The following USP26 variants were observed in gnomAD, a reference collection of about 807,000 sequenced individuals.
USP26 encodes ubiquitin specific peptidase 26.
For synonymous variants in USP26, 236 were observed against 240.6 expected, an observed-to-expected ratio of 0.98 and a Z score of 0.18; for missense variants, 649 against 642.3, an observed-to-expected ratio of 1.01 and a Z score of -0.11.
intron 5 of USP26, among the ~76,000 whole-genome samples, chrX:133,049,005 G>A (rs1007170870): frequency 8.9e-6 from 1 of 112,107 alleles, no homozygotes; most frequent in Non-Finnish European, 1.9e-5. Context: ...ATGAGAGCAG[G>A]TTGATCAATA....
In USP26 at chrX:133,027,414, T is replaced by C. The variant is rs1039893600; in HGVS notation, c.807A>G (p.Gln269=). Residue 269 remains glutamine (Q), a synonymous_variant, in exon 6 of 6, where the codon CAA becomes CAG. Coordinates refer to ENST00000511190, the MANE Select transcript of USP26 (RefSeq NM_031907.3). Reference sequence around the variant, plus strand: ...TTGTGTAACCGTCACTATACCCTTGTTGTAACAGAAATACCAAAACCATTT... The same window carrying C: ...TTGTGTAACCGTCACTATACCCTTGCTGTAACAGAAATACCAAAACCATTT... ...TEKMVLVFLL[Q]QGYSDGYTKW... The C allele has an allele frequency of 2.5e-6, 3 of 1,209,863 alleles. No homozygotes were observed. The African/African-American group carries it at 5.2e-5, about 21-fold the overall frequency.
chrX:133,072,551 T>C lies in USP26; in HGVS notation c.-77+11156A>G, dbSNP rs913765434. On this transcript the variant is annotated intron_variant, in intron 5 of 5. Transcript: ENST00000511190. ...AAAAATTTACTACATTTTAAAGTGA[T>C]AGCACTGTGCATTTGAACATAACAC... Among the ~76,000 whole-genome samples the C allele has an allele frequency of 8.0e-5, 9 of 112,655 alleles. No individual in the cohort carries two copies. In the East Asian group the frequency reaches 2.2e-3, roughly 28 times the overall value.
Position 133,025,881 on chromosome X carries a change from T to C in USP26, c.2340A>G (p.Leu780=). ...GTAGGGAATTCCTGTTAGACTTCTG[T>C]AGATTTAATTTTGTAGGTCTTAGGA... is the stretch of plus-strand genomic sequence containing the variant. The part of the protein sequence containing the change: ...KNLLRPTKLN[L]QKSNRNSLLA... The change falls in exon 6 of 6, where the codon CTA becomes CTG. Residue 780 remains leucine, a synonymous_variant. Transcript: ENST00000511190. The C allele has an allele frequency of 2.5e-6, 3 of 1,211,304 alleles. No homozygotes were observed. Among genetic ancestry groups the C allele is most frequent in the Non-Finnish European group, 3.4e-6 (3 of 895,305 alleles).
chrX:133,096,103 G>A (rs1343034330), intron 1 of USP26, among the ~76,000 whole-genome samples: 1 of 73,982 alleles, frequency 1.4e-5, no homozygotes, highest in Non-Finnish European at 2.3e-5. Context: ...TCCCTCTGCT[G>A]TTCAGGCTGG....
intron 5 of USP26, among the ~76,000 whole-genome samples, chrX:133,046,659 CAG>C (rs1356494147): frequency 8.1e-5 from 9 of 110,497 alleles, no homozygotes; most frequent in Non-Finnish European, 1.7e-4. Flanking sequence ...GAGAGAGAAA[CAG>C]AGAGACCCAA....
In USP26 at chrX:133,097,011, A is replaced by C. The variant is rs1383280121; in HGVS notation, c.-393+19T>G. On this transcript the variant is annotated intron_variant, in intron 1 of 5. Transcript: ENST00000511190. ...TAACTCTCAATAACTATTACAAATG[A>C]AAAGCAAATTGATCTTACAATAGTT... 1 of 113,179 alleles carries C rather than the reference A, an allele frequency of 8.8e-6. No individual in the cohort carries two copies. Among genetic ancestry groups the C allele is most frequent in the Non-Finnish European group, 1.9e-5 (1 of 53,454 alleles). 9.3% of individuals were successfully genotyped at this position (113,179 alleles called of 1,213,427 possible).
chrX:133,084,745 T>A (rs975077135), intron 4 of USP26, among the ~76,000 whole-genome samples: 1 of 111,066 alleles, frequency 9.0e-6, no homozygotes, highest in Admixed American at 9.6e-5. Flanking sequence ...TTATTTTTAA[T>A]TTTTTTATTT....
chrX:133,076,856 T>C (rs1030348056), intron 5 of USP26, among the ~76,000 whole-genome samples: 5 of 112,146 alleles, frequency 4.5e-5, no homozygotes, highest in African/African-American at 9.7e-5. Context: ...TAGGAGACCC[T>C]GTGCTACAAG....
At chrX:133,068,711 T>C (rs1174667248) in intron 5 of USP26, among the ~76,000 whole-genome samples, 1 of 112,567 alleles carries the variant, frequency 8.9e-6, no homozygotes, top group Non-Finnish European at 1.9e-5. Context: ...GATGAGTCCA[T>C]TATCTGGAGA....
intron 5 of USP26, among the ~76,000 whole-genome samples, chrX:133,044,557 A>T (rs1309136106): frequency 8.8e-6 from 1 of 113,159 alleles, no homozygotes; most frequent in African/African-American, 3.2e-5. Context: ...GTCCCCCAGC[A>T]GTGCCGGCCC....
intron 5 of USP26, among the ~76,000 whole-genome samples, chrX:133,034,860 C>CA (rs11432441): frequency 0.031 from 3,013 of 98,175 alleles, 62 homozygotes; most frequent in East Asian, 0.1. Flanking sequence ...ATGTCTCTTA[C>CA]AAAAAAAAAA....
At chrX:133,067,403 C>A (rs967987111) in intron 5 of USP26, among the ~76,000 whole-genome samples, 2 of 112,636 alleles carry the variant, frequency 1.8e-5, no homozygotes, top group Admixed American at 1.9e-4. Context: ...ATAAATCATT[C>A]TACTATAAAG....
At chrX:133,071,473 CA>C (rs1173496003) in intron 5 of USP26, among the ~76,000 whole-genome samples, 2 of 109,876 alleles carry the variant, frequency 1.8e-5, no homozygotes, top group East Asian at 5.7e-4. Context: ...TATCTCCTCC[CA>C]CCTCTTACAG....
chrX:133,096,518 C>T (rs1475489273), intron 1 of USP26, among the ~76,000 whole-genome samples: 2 of 111,809 alleles, frequency 1.8e-5, no homozygotes, highest in African/African-American at 6.5e-5. Flanking sequence ...CAAACAACAT[C>T]GCAGCAGCTA....
intron 5 of USP26, among the ~76,000 whole-genome samples, chrX:133,076,146 C>T (rs756239583): frequency 9.0e-6 from 1 of 111,217 alleles, no homozygotes; most frequent in Non-Finnish European, 1.9e-5. Flanking sequence ...TTGGTTCATA[C>T]GAAATTTTCA....
intron 5 of USP26, among the ~76,000 whole-genome samples, chrX:133,080,865 G>A (rs2067567672): frequency 9.0e-6 from 1 of 111,625 alleles, no homozygotes; most frequent in South Asian, 3.8e-4. Flanking sequence ...TCTGAACAGA[G>A]GCAATCCAAT....
At chrX:133,066,364 A>C (rs1283119592) in intron 5 of USP26, among the ~76,000 whole-genome samples, 3 of 112,024 alleles carry the variant, frequency 2.7e-5, no homozygotes, top group Non-Finnish European at 5.6e-5. Context: ...ACAGAACTAC[A>C]AAAAACTACT....
chrX:133,051,802 T>G (rs2067459943), intron 5 of USP26, among the ~76,000 whole-genome samples: 1 of 112,503 alleles, frequency 8.9e-6, no homozygotes, highest in Admixed American at 9.4e-5. Context: ...AAGTCAAACA[T>G]GCCTAAATGA....
At chrX:133,066,711 C>T (rs141961613) in intron 5 of USP26, among the ~76,000 whole-genome samples, 472 of 111,645 alleles carry the variant, frequency 4.2e-3, no homozygotes, top group African/African-American at 0.015. Context: ...CCACCTTATG[C>T]AAAAATTAAC....
Sources: allele counts gnomAD v4.1 joint callset (sites outside exome capture counted in the v4.1 genomes callset), GRCh38; gene constraint gnomAD v4.1.1; transcripts MANE v1.5; gene names NCBI Gene and HGNC (gene_info 2026-07-23, HGNC 2026-07-21).